The following CAMK2D variants were observed in gnomAD, a reference collection of about 807,000 sequenced individuals.
The protein encoded by CAMK2D is calcium/calmodulin dependent protein kinase II delta.
A neutral mutation model predicts 84.0 loss-of-function variants in CAMK2D; 37 were observed. The observed-to-expected ratio is 0.44, with a 90% confidence interval of 0.34 to 0.58. CAMK2D has a LOEUF of 0.58. CAMK2D is among the 20% of genes least tolerant of loss of function. The pLI is 0.02. For synonymous variants in CAMK2D, 202 were observed against 212.5 expected (o/e 0.95, Z 0.43); for missense variants, 448 against 652.5 (o/e 0.69, Z 3.41).
At chr4:113,457,696 C>G in intron 18 of CAMK2D, 133 bp from the exon 19 acceptor site, 1 of 668,102 alleles carries the variant, frequency 1.5e-6, no homozygotes, top group Non-Finnish European at 2.6e-6. Flanking sequence ...AATTAATCTA[C>G]TATTTGTACT....
chr4:113,603,167 C>T (rs1454134286), intron 4 of CAMK2D, among the ~76,000 whole-genome samples: 1 of 152,066 alleles, frequency 6.6e-6, no homozygotes. Flanking sequence ...AAAATCAGGG[C>T]AGTTCATTAT....
chr4:113,463,846 T>G (rs1265698870), intron 17 of CAMK2D, among the ~76,000 whole-genome samples: 1 of 152,186 alleles, frequency 6.6e-6, no homozygotes, highest in African/African-American at 2.4e-5. Context: ...GCATATACAT[T>G]GTTTCCAATT....
chr4:113,597,679 G>T (rs1319860740), intron 4 of CAMK2D, among the ~76,000 whole-genome samples: 2 of 152,188 alleles, frequency 1.3e-5, no homozygotes, highest in South Asian at 2.1e-4. Flanking sequence ...TTTCCTTCAA[G>T]AACTTTTCCT....
chr4:113,491,977 C>T (rs186396617), intron 16 of CAMK2D, among the ~76,000 whole-genome samples: 4,731 of 152,164 alleles, frequency 0.031, 248 homozygotes, highest in African/African-American at 0.11. Context: ...TCTGTGGGAT[C>T]GGTGGTGATA....
At chr4:113,632,522 C>CCGTG (rs1445361770) in intron 3 of CAMK2D, among the ~76,000 whole-genome samples, 2 of 151,348 alleles carry the variant, frequency 1.3e-5, no homozygotes, top group Non-Finnish European at 2.9e-5. Flanking sequence ...CACGCCCGGC[C>CCGTG]TGTGTGTGTG....
intron 2 of CAMK2D, among the ~76,000 whole-genome samples, chr4:113,720,364 T>TCACACACACA (rs1491434615): frequency 3.4e-4 from 36 of 106,034 alleles, no homozygotes; most frequent in African/African-American, 1.3e-3. Context: ...ACAATCACAT[T>TCACACACACA]CTCACACACA....
At position 113,454,354 on chromosome 4, in the gene CAMK2D, G is replaced by C; in HGVS notation, c.*191C>G. 1 of 524,034 alleles carries C rather than the reference G, an allele frequency of 1.9e-6. No homozygotes were observed. Among genetic ancestry groups the C allele is most frequent in the Non-Finnish European group, 3.5e-6 (1 of 283,296 alleles). The allele number at this position is 524,034 out of a possible 1,614,324, so 32.5% of individuals were successfully genotyped here. A position where few individuals can be genotyped will look rare whatever the true frequency, so the allele number is the denominator to read the frequency against. ...TTGAAGTGTAAACAATGTATAGGAAGGAATATATGATAAGATGATGCATCA... is the reference window on the plus strand; with the variant it reads ...TTGAAGTGTAAACAATGTATAGGAACGAATATATGATAAGATGATGCATCA... On this transcript the variant is annotated 3_prime_UTR_variant, in exon 21 of 21. Coordinates refer to ENST00000511664, the MANE Select transcript of CAMK2D (RefSeq NM_001321571.2).
chr4:113,682,779 C>G (rs1040207105), intron 2 of CAMK2D, among the ~76,000 whole-genome samples: 19 of 152,142 alleles, frequency 1.2e-4, no homozygotes, highest in African/African-American at 4.3e-4. Flanking sequence ...TTTACAATGA[C>G]TATTATTCTA....
At chr4:113,654,853 C>T (rs1470956284) in intron 3 of CAMK2D, among the ~76,000 whole-genome samples, 1 of 151,576 alleles carries the variant, frequency 6.6e-6, no homozygotes, top group African/African-American at 2.4e-5. Context: ...ATGTGTAATA[C>T]ATATCATATA....
chr4:113,613,885 AGAGAGAGCGAGC>A (rs2099010920), intron 3 of CAMK2D, among the ~76,000 whole-genome samples: 1 of 151,980 alleles, frequency 6.6e-6, no homozygotes, highest in Non-Finnish European at 1.5e-5. Context: ...TGTGTGTGCG[AGAGAGAGCGAGC>A]GAGAGAGAGA....
In CAMK2D at chr4:113,451,077, CTG is replaced by C. The variant is rs1462887602; in HGVS notation, c.*3466_*3467del. On this transcript the variant is annotated 3_prime_UTR_variant, in exon 21 of 21. Coordinates refer to ENST00000511664, the MANE Select transcript of CAMK2D (RefSeq NM_001321571.2). The stretch of plus-strand genomic sequence containing the variant: ...TTTATTCAATGAAATCACTCGAAAG[CTG>C]TGTCATCTATGTTTACCCTTAAATT... 6 of 152,312 alleles carry C rather than the reference CTG, an allele frequency of 3.9e-5. No individual in the cohort carries two copies. Among genetic ancestry groups the C allele is most frequent in the Admixed American group, 3.9e-4 (6 of 15,290 alleles). The allele number at this position is 152,312 out of a possible 1,614,324, so 9.4% of individuals were successfully genotyped here.
chr4:113,605,631 T>C (rs903949136), intron 4 of CAMK2D, among the ~76,000 whole-genome samples: 13 of 152,206 alleles, frequency 8.5e-5, no homozygotes, highest in Admixed American at 3.9e-4. Flanking sequence ...AAATTAAATG[T>C]ATTAAGAAAT....
chr4:113,640,919 CTT>C (rs1156551868), intron 3 of CAMK2D, among the ~76,000 whole-genome samples: 1 of 152,178 alleles, frequency 6.6e-6, no homozygotes, highest in Non-Finnish European at 1.5e-5. Context: ...TTGTTCCTTC[CTT>C]TCTAAATCTT....
chr4:113,553,788 C>T (rs962517323), intron 4 of CAMK2D, among the ~76,000 whole-genome samples: 2 of 152,030 alleles, frequency 1.3e-5, no homozygotes, highest in African/African-American at 2.4e-5. Flanking sequence ...CTATTTATTC[C>T]GATTAGAATC....
intron 7 of CAMK2D, among the ~76,000 whole-genome samples, chr4:113,532,249 A>T (rs1419050218): frequency 2.0e-5 from 3 of 152,204 alleles, no homozygotes; most frequent in Non-Finnish European, 2.9e-5. Context: ...CAAAAAAGAA[A>T]ATGAGGAAAA....
intron 2 of CAMK2D, among the ~76,000 whole-genome samples, chr4:113,711,081 CTGAATTTTAGATTTCAA>C (rs1356564521): frequency 6.6e-6 from 1 of 150,606 alleles, no homozygotes; most frequent in Non-Finnish European, 1.5e-5. Context: ...ATAAAATTCA[CTGAATTTTAGATTTCAA>C]TGAATTTACA....
chr4:113,530,641 A>G (rs2098451879), intron 8 of CAMK2D, among the ~76,000 whole-genome samples: 1 of 152,162 alleles, frequency 6.6e-6, no homozygotes, highest in Admixed American at 6.5e-5. Flanking sequence ...TGCTCTTATA[A>G]AAGAGACCCT....
Position 113,537,451 on chromosome 4 carries a change from T to C in CAMK2D, c.415-8A>G, listed in dbSNP as rs767388454. The C allele has an allele frequency of 3.2e-6, 5 of 1,541,656 alleles. No homozygotes were observed. Among genetic ancestry groups the C allele is most frequent in the South Asian group, 2.3e-5 (2 of 88,100 alleles). On this transcript the variant is annotated splice_polypyrimidine_tract_variant and splice_region_variant and intron_variant, in intron 6 of 20. Coordinates refer to ENST00000511664, the MANE Select transcript of CAMK2D (RefSeq NM_001321571.2). ...TAAAAGCAAATTCTCAGGCTTTATT[T>C]AGAAAGAAAAAAAAAGAGACTGAAG...
intron 4 of CAMK2D, among the ~76,000 whole-genome samples, chr4:113,605,700 A>C (rs1001252743): frequency 1.3e-5 from 2 of 152,194 alleles, no homozygotes; most frequent in African/African-American, 4.8e-5. Context: ...ATATAGAAAA[A>C]ATAAAAATCC....
Sources: allele counts gnomAD v4.1 joint callset (sites outside exome capture counted in the v4.1 genomes callset), GRCh38; gene constraint gnomAD v4.1.1; transcripts MANE v1.5; gene names NCBI Gene and HGNC (gene_info 2026-07-23, HGNC 2026-07-21).